Variants in ARHGAP17 observed in about 807,000 individuals in gnomAD.
ARHGAP17 encodes the protein rho GTPase-activating protein 17.
ARHGAP17 carries 57 observed loss-of-function variants against 99.5 expected under a neutral mutation model. That is an observed-to-expected ratio of 0.57 (90% confidence interval 0.46 to 0.71). ARHGAP17 has a LOEUF of 0.71. Ranked by LOEUF, ARHGAP17 falls within the 30% of genes least tolerant of loss-of-function variation. The pLI, the probability that ARHGAP17 is intolerant of heterozygous loss-of-function variation, is 0.00. For synonymous variants in ARHGAP17, 417 were observed against 429.6 expected, an observed-to-expected ratio of 0.97 and a Z score of 0.36; for missense variants, 1,000 against 1,122.4, an observed-to-expected ratio of 0.89 and a Z score of 1.56.
At chr16:24,928,217 T>C (rs554039041) in intron 19 of ARHGAP17, among the ~76,000 whole-genome samples, 4 of 152,244 alleles carry the variant, frequency 2.6e-5, no homozygotes, top group Admixed American at 1.3e-4. Context: ...ATTCTAAATG[T>C]TGGCCTTCTG....
intron 7 of ARHGAP17, among the ~76,000 whole-genome samples, chr16:24,961,215 A>C (rs2051987254): frequency 7.4e-6 from 1 of 135,852 alleles, no homozygotes; most frequent in Non-Finnish European, 1.7e-5. Context: ...TGACAAAAAA[A>C]CAAGAAATTA....
At position 24,922,079 on chromosome 16, in the gene ARHGAP17, C is replaced by A. The variant is rs72770484; in HGVS notation, c.2516-1819G>T. 3.1e-3 allele frequency among the ~76,000 whole-genome samples: 479 copies of A among 152,326 alleles called. 2 individuals carry two copies. The highest frequency in any genetic ancestry group is 5.4e-3 in the Non-Finnish European group (368 of 68,020). ...CATCTAGAGCAACCATCTTTCCAAT[C>A]CTCCATTCTTACATCCTCAGGCAAA... is the stretch of plus-strand genomic sequence containing the variant. On this transcript the variant is annotated intron_variant, in intron 19 of 19. Transcript: ENST00000289968.
chr16:24,967,261 T>C (rs1428746666), intron 6 of ARHGAP17, among the ~76,000 whole-genome samples: 1 of 152,174 alleles, frequency 6.6e-6, no homozygotes, highest in Non-Finnish European at 1.5e-5. Context: ...GTAAATAAAG[T>C]TTTATTGGAA....
chr16:25,012,542 T>C (rs2141553165), intron 1 of ARHGAP17, among the ~76,000 whole-genome samples: 1 of 152,310 alleles, frequency 6.6e-6, no homozygotes, highest in South Asian at 2.1e-4. Flanking sequence ...GCCTTCATCT[T>C]GACCTAAAAA....
intron 14 of ARHGAP17, among the ~76,000 whole-genome samples, chr16:24,944,186 G>A (rs62032846): frequency 0.02 from 3,018 of 151,248 alleles, 47 homozygotes; most frequent in Middle Eastern, 0.048. Flanking sequence ...CAGGAGAATC[G>A]CTTGAACCCG....
chr16:24,979,093 A>C (rs1002884768), intron 1 of ARHGAP17, 88 bp from the exon 2 acceptor site: 1 of 930,944 alleles, frequency 1.1e-6, no homozygotes, highest in African/African-American at 1.7e-5. Flanking sequence ...TGGAGTTTAA[A>C]GCAAAACAGG....
Position 24,948,314 on chromosome 16 carries a change from C to T in ARHGAP17, c.1128-719G>A, listed in dbSNP as rs549224296. ...AAACACACAGGCAAGTATGTACACA[C>T]GAATGTATCTGCTTACGTCTACATT... On this transcript the variant is annotated intron_variant, in intron 13 of 19. Transcript: ENST00000289968. Among the ~76,000 whole-genome samples, 93 of 152,224 alleles carry T rather than the reference C, an allele frequency of 6.1e-4. 2 individuals are homozygous for T. The South Asian group carries it at 0.018, about 30-fold the overall frequency.
At chr16:24,982,672 G>C (rs2052708259) in intron 1 of ARHGAP17, among the ~76,000 whole-genome samples, 1 of 151,954 alleles carries the variant, frequency 6.6e-6, no homozygotes, top group Admixed American at 6.6e-5. Flanking sequence ...TCCAAGCCTT[G>C]GTGCTTCCTA....
chr16:24,994,853 T>C (rs2053148597), intron 1 of ARHGAP17, among the ~76,000 whole-genome samples: 1 of 152,204 alleles, frequency 6.6e-6, no homozygotes, highest in Non-Finnish European at 1.5e-5. Context: ...ACCATGAGAC[T>C]GATACCACTA....
chr16:24,962,899 TAA>T (rs1175127251), intron 7 of ARHGAP17, among the ~76,000 whole-genome samples: 1 of 152,152 alleles, frequency 6.6e-6, no homozygotes, highest in African/African-American at 2.4e-5. Context: ...CAAACATAGC[TAA>T]AGAGAGAATC....
At chr16:24,964,970 G>C (rs2052130269) in intron 6 of ARHGAP17, among the ~76,000 whole-genome samples, 1 of 151,556 alleles carries the variant, frequency 6.6e-6, no homozygotes, top group African/African-American at 2.4e-5. Context: ...TAATAATGTA[G>C]GTATCAATCA....
chr16:24,932,080 C>A (rs142522239), intron 18 of ARHGAP17, among the ~76,000 whole-genome samples: 230 of 148,646 alleles, frequency 1.5e-3, no homozygotes, highest in African/African-American at 5.6e-3. Context: ...CACTGAATTC[C>A]AGCCTGGGCA....
At chr16:24,978,086 T>G (rs1316376492) in intron 2 of ARHGAP17, among the ~76,000 whole-genome samples, 1 of 152,182 alleles carries the variant, frequency 6.6e-6, no homozygotes, top group Non-Finnish European at 1.5e-5. Context: ...AATGGGAGAT[T>G]TAGGAGCAGA....
chr16:24,967,108 G>A (rs1004372045), intron 6 of ARHGAP17, among the ~76,000 whole-genome samples: 5 of 152,236 alleles, frequency 3.3e-5, no homozygotes, highest in Non-Finnish European at 5.9e-5. Context: ...AAAGTAGCTC[G>A]ATCTCTGGCA....
intron 1 of ARHGAP17, among the ~76,000 whole-genome samples, chr16:25,009,279 A>C (rs1350814659): frequency 6.6e-6 from 1 of 151,874 alleles, no homozygotes; most frequent in Non-Finnish European, 1.5e-5. Context: ...AGGAAGGAGA[A>C]TCGCTTGAAC....
chr16:24,979,195 A>T (rs1028262790), intron 1 of ARHGAP17, among the ~76,000 whole-genome samples, 190 bp from the exon 2 acceptor site: 2 of 152,250 alleles, frequency 1.3e-5, no homozygotes, highest in African/African-American at 4.8e-5. Flanking sequence ...ATAACTAAGC[A>T]AAACTTTGTG....
In ARHGAP17 at chr16:24,942,562, T is replaced by C. The variant is rs542528058; in HGVS notation, c.1334-419A>G. Among the ~76,000 whole-genome samples the C allele has an allele frequency of 5.3e-5, 8 of 150,408 alleles. No homozygotes were observed. The South Asian group carries it at 1.7e-3, about 32-fold the overall frequency. On this transcript the variant is annotated intron_variant, in intron 15 of 19. Transcript: ENST00000289968. ...CAGGCGGATCACTTGAGGTCAGGAGTTCAAGACCAGCCTGGCCAAGAACGT... is the reference window on the plus strand; with the variant it reads ...CAGGCGGATCACTTGAGGTCAGGAGCTCAAGACCAGCCTGGCCAAGAACGT...
chr16:25,004,809 G>A (rs1334869873), intron 1 of ARHGAP17, among the ~76,000 whole-genome samples: 1 of 152,190 alleles, frequency 6.6e-6, no homozygotes, highest in Non-Finnish European at 1.5e-5. Flanking sequence ...GAGGAAGAGA[G>A]AAACATCTTG....
rs1467711268 is a variant in ARHGAP17 at position 24,930,905 on chromosome 16, T to G, written c.2394A>C (p.Arg798Ser). Residue 798 changes from arginine (R) to serine (S), a missense_variant, in exon 19 of 20, where the codon AGA becomes AGC. Arg to Ser is a moderately radical substitution (Grantham distance 110). This residue lies in a region of ARHGAP17 where 528 missense variants were observed against 511.4 expected (regional missense o/e 1.03). Coordinates refer to ENST00000289968, the MANE Select transcript of ARHGAP17 (RefSeq NM_001006634.3). ...QPHAGTLPRP[R>S]PVPKPRNRPS... ...GCCGGTTCCTTGGCTTTGGTACTGG[T>G]CTCGGTCTCGGTAAGGTTCCAGCAT... 6.2e-7 allele frequency: 1 copy of G among 1,613,842 alleles called. No individual in the cohort carries two copies. The highest frequency in any genetic ancestry group is 1.7e-5 in the Admixed American group (1 of 60,000).
Sources: allele counts gnomAD v4.1 joint callset (sites outside exome capture counted in the v4.1 genomes callset), GRCh38; gene constraint gnomAD v4.1.1; regional missense constraint gnomAD v4.1.1; transcripts MANE v1.5; gene names NCBI Gene and HGNC (gene_info 2026-07-23, HGNC 2026-07-21).